AGBL4: variants seen among roughly 807,000 people sequenced by gnomAD.
AGBL4 encodes the protein cytosolic carboxypeptidase 6.
AGBL4 carries 58 observed loss-of-function variants against 66.4 expected under a neutral mutation model. That is an observed-to-expected ratio of 0.87 (90% CI 0.71 to 1.09). The LOEUF (loss-of-function observed/expected upper bound fraction) is 1.09. Ranked by LOEUF, AGBL4 falls within the 50% of genes least tolerant of loss-of-function variation. The probability of loss-of-function intolerance (pLI) is 0.00; values close to 1 mark genes in which losing one functional copy is unlikely to be tolerated. For synonymous variants in AGBL4, 234 were observed against 222.9 expected (o/e 1.05, Z -0.44); for missense variants, 579 against 631.0 (o/e 0.92, Z 0.88).
At chr1:48,803,276 C>A (rs989521108) in intron 6 of AGBL4, among the ~76,000 whole-genome samples, 7 of 152,216 alleles carry the variant, frequency 4.6e-5, no homozygotes, top group African/African-American at 1.7e-4. Flanking sequence ...CCAGCACTGT[C>A]CTTCAGTGCC....
In AGBL4 at chr1:49,034,965, T is replaced by A. The variant is rs559318615; in HGVS notation, c.594+10619A>T. 1.8e-4 allele frequency among the ~76,000 whole-genome samples: 27 copies of A among 152,220 alleles called. 1 individual carries two copies. In the South Asian group the frequency reaches 5.2e-3, roughly 29 times the overall value. On this transcript the variant is annotated intron_variant, in intron 5 of 13. Coordinates refer to ENST00000371839, the MANE Select transcript of AGBL4 (RefSeq NM_032785.4). ...AGATAAGAGTATCCAAGAATCAAAA[T>A]TATTACAACAGACTGGAATAAAGGA...
At chr1:48,980,575 C>G (rs980378969) in intron 5 of AGBL4, among the ~76,000 whole-genome samples, 2 of 151,618 alleles carry the variant, frequency 1.3e-5, no homozygotes, top group Non-Finnish European at 2.9e-5. Context: ...TGGCCAGTAT[C>G]TGTAGTCACA....
intron 4 of AGBL4, among the ~76,000 whole-genome samples, chr1:49,150,223 T>C (rs1268844830): frequency 6.6e-6 from 1 of 152,090 alleles, no homozygotes; most frequent in Non-Finnish European, 1.5e-5. Flanking sequence ...TAAAGGAAAA[T>C]ATCTGAGGAC....
chr1:49,496,176 A>G (rs1435877497), intron 3 of AGBL4, among the ~76,000 whole-genome samples: 1 of 152,058 alleles, frequency 6.6e-6, no homozygotes, highest in Non-Finnish European at 1.5e-5. Flanking sequence ...ATACACATCA[A>G]ACTAAGTCAG....
At chr1:48,740,574 G>A (rs1305720566) in intron 6 of AGBL4, among the ~76,000 whole-genome samples, 2 of 152,204 alleles carry the variant, frequency 1.3e-5, no homozygotes, top group Admixed American at 6.5e-5. Context: ...TTTGACCAAA[G>A]TGTTAGTGTT....
At chr1:48,588,504 T>C (rs1644859325) in intron 10 of AGBL4, among the ~76,000 whole-genome samples, 1 of 152,180 alleles carries the variant, frequency 6.6e-6, no homozygotes. Context: ...GGGCATTCTA[T>C]GCTAACCCCT....
intron 6 of AGBL4, among the ~76,000 whole-genome samples, chr1:48,726,227 A>G (rs1647263955): frequency 6.6e-6 from 1 of 152,324 alleles, no homozygotes; most frequent in South Asian, 2.1e-4. Context: ...CCCTTAACCT[A>G]AAAGCACTTG....
chr1:48,718,095 G>T (rs182068631), intron 6 of AGBL4, among the ~76,000 whole-genome samples: 21 of 152,316 alleles, frequency 1.4e-4, no homozygotes, highest in Admixed American at 1.2e-3. Flanking sequence ...GAAAGAAAAA[G>T]AGAAAAGAAG....
rs1003612903 is a variant in AGBL4 at position 48,851,864 on chromosome 1, G to A, written c.634+15327C>T. Among the ~76,000 whole-genome samples, 9 of 151,526 alleles carry A rather than the reference G, an allele frequency of 5.9e-5. 1 individual carries two copies. The highest frequency in any genetic ancestry group is 4.2e-4 in the South Asian group (2 of 4,796). On this transcript the variant is annotated intron_variant, in intron 6 of 13. Coordinates refer to ENST00000371839, the MANE Select transcript of AGBL4 (RefSeq NM_032785.4). ...GCAAATGCCAAACATAGAGCCTATT[G>A]GCATGTCAGAGAATGACCTAATATC...
At chr1:48,627,059 TG>T (rs1216649407) in intron 9 of AGBL4, among the ~76,000 whole-genome samples, 1 of 151,990 alleles carries the variant, frequency 6.6e-6, no homozygotes, top group Non-Finnish European at 1.5e-5. Context: ...CTCCACAAAG[TG>T]GGTTTACTCC....
intron 3 of AGBL4, among the ~76,000 whole-genome samples, chr1:49,594,958 A>G (rs1644824299): frequency 6.6e-6 from 1 of 152,222 alleles, no homozygotes; most frequent in South Asian, 2.1e-4. Context: ...TGTCTTCCAC[A>G]ATGGTTGAAC....
chr1:49,204,685 G>A (rs1413190526), intron 4 of AGBL4, among the ~76,000 whole-genome samples: 1 of 151,896 alleles, frequency 6.6e-6, no homozygotes, highest in East Asian at 1.9e-4. Context: ...CCTCTTATTT[G>A]GTCCTCCCTA....
chr1:48,790,062 A>G (rs1010172368), intron 6 of AGBL4, among the ~76,000 whole-genome samples: 2 of 152,204 alleles, frequency 1.3e-5, no homozygotes, highest in Non-Finnish European at 1.5e-5. Context: ...GCAGAGTAGG[A>G]AGTGAAATCA....
At chr1:49,614,550 C>T (rs865887929) in intron 3 of AGBL4, among the ~76,000 whole-genome samples, 3 of 151,878 alleles carry the variant, frequency 2.0e-5, no homozygotes, top group Non-Finnish European at 2.9e-5. Flanking sequence ...TATACATTAC[C>T]GGGACTGAAA....
At chr1:49,069,807 A>G (rs899553850) in intron 4 of AGBL4, among the ~76,000 whole-genome samples, 3 of 151,892 alleles carry the variant, frequency 2.0e-5, no homozygotes, top group African/African-American at 4.9e-5. Flanking sequence ...CATTGAATCT[A>G]TAAATTACTA....
chr1:48,524,300 A>G, the AGBL4 span, among the ~76,000 whole-genome samples: 4 of 151,410 alleles, frequency 2.6e-5, no homozygotes, highest in Non-Finnish European at 5.9e-5. Flanking sequence ...ACCTTTAGTC[A>G]AGGCTGATCT....
chr1:49,901,956 T>C (rs1302206413), intron 1 of AGBL4, among the ~76,000 whole-genome samples: 1 of 152,168 alleles, frequency 6.6e-6, no homozygotes, highest in Non-Finnish European at 1.5e-5. Flanking sequence ...CCCTTTTCAA[T>C]AAGTGGTGCT....
At chr1:49,090,303 G>T (rs12746986) in intron 4 of AGBL4, among the ~76,000 whole-genome samples, 650 of 152,182 alleles carry the variant, frequency 4.3e-3, no homozygotes, top group Middle Eastern at 0.041. Flanking sequence ...GACTATCCCC[G>T]TTTGCAGACT....
At chr1:49,012,241 T>G (rs1272992210) in intron 5 of AGBL4, among the ~76,000 whole-genome samples, 1 of 152,070 alleles carries the variant, frequency 6.6e-6, no homozygotes, top group Non-Finnish European at 1.5e-5. Flanking sequence ...AGCCTGGGTT[T>G]CAGAGCTAAC....
Sources: gnomAD v4.1 joint callset for allele counts (sites outside exome capture counted in the v4.1 genomes callset) on GRCh38, gnomAD v4.1.1 for gene constraint, MANE v1.5 for transcripts, NCBI Gene and HGNC (gene_info 2026-07-23, HGNC 2026-07-21) for gene names.